C8orf34: variants seen among roughly 807,000 people sequenced by gnomAD.
C8orf34 encodes the protein uncharacterized protein C8orf34.
A neutral mutation model predicts 68.3 loss-of-function variants in C8orf34; 65 were observed. The ratio of observed to expected loss-of-function variants is 0.95; its 90% CI spans 0.78 to 1.17. The LOEUF (loss-of-function observed/expected upper bound fraction) is 1.17. Ranked by LOEUF, C8orf34 falls within the 50% of genes most tolerant of loss-of-function variation. The pLI is 0.00. For missense variants in C8orf34, 664 were observed against 655.4 expected (o/e 1.01, Z -0.14); for synonymous variants, 244 against 241.2 (o/e 1.01, Z -0.11).
chr8:68,759,686 C>A (rs992487702), intron 10 of C8orf34, among the ~76,000 whole-genome samples: 6 of 152,212 alleles, frequency 3.9e-5, no homozygotes, highest in Non-Finnish European at 8.8e-5. Flanking sequence ...ATTTTTCTGA[C>A]TACCTTTCAG....
At chr8:68,625,646 G>T (rs754617016) in intron 7 of C8orf34, 2 of 701,458 alleles carry the variant, frequency 2.9e-6, no homozygotes, top group Non-Finnish European at 5.2e-6. Context: ...GCATCTCAGC[G>T]GTGGGAAAGG....
chr8:68,577,824 C>T (rs544128907), intron 7 of C8orf34, among the ~76,000 whole-genome samples: 1 of 151,140 alleles, frequency 6.6e-6, no homozygotes, highest in Non-Finnish European at 1.5e-5. Flanking sequence ...TTCTAAAAAC[C>T]TTACTTTTGT....
chr8:68,521,860 G>A lies in C8orf34; in HGVS notation c.827G>A (p.Arg276Lys), dbSNP rs1814770512. ...RPRVIGEWIGREENDADPLAA... is the reference protein window; with the variant it reads ...RPRVIGEWIGKEENDADPLAA... ...CGTGTGATTGGAGAATGGATTGGTAGAGAAGAAAATGATGCTGATCCCCTA... is the reference window on the plus strand; with the variant it reads ...CGTGTGATTGGAGAATGGATTGGTAAAGAAGAAAATGATGCTGATCCCCTA... The change falls in exon 6 of 14, where the codon AGA (arginine) becomes AAA (lysine). Residue 276 changes from arginine (R) to lysine (K), a missense_variant. Transcript: ENST00000518698. The A allele has an allele frequency of 6.2e-7, 1 of 1,614,072 alleles. No homozygotes were observed. Among genetic ancestry groups the A allele is most frequent in the Admixed American group, 1.7e-5 (1 of 60,020 alleles).
Position 68,521,836 on chromosome 8 carries a change from G to A in C8orf34, c.803G>A (p.Arg268His), listed in dbSNP as rs772994743. Residue 268 changes from arginine to histidine, a missense_variant, in exon 6 of 14, where the codon CGT becomes CAT. Transcript: ENST00000518698. ...TTTAATTCTTCTCTTCTGAGGCCCC[G>A]TGTGATTGGAGAATGGATTGGTAGA... is the stretch of plus-strand genomic sequence containing the variant. ...VTFNSSLLRP[R>H]VIGEWIGREE... 2.4e-5 allele frequency: 38 copies of A among 1,613,704 alleles called. No individual in the cohort carries two copies. The highest frequency in any genetic ancestry group is 4.0e-5 in the African/African-American group (3 of 74,886).
intron 6 of C8orf34, among the ~76,000 whole-genome samples, chr8:68,527,069 C>A (rs1362668276): frequency 6.6e-6 from 1 of 152,108 alleles, no homozygotes; most frequent in Non-Finnish European, 1.5e-5. Context: ...ATATGAACAC[C>A]AAATTGAAAT....
chr8:68,680,747 T>G (rs1283807568), intron 8 of C8orf34, among the ~76,000 whole-genome samples: 1 of 152,108 alleles, frequency 6.6e-6, no homozygotes, highest in Non-Finnish European at 1.5e-5. Context: ...GTGCACCTAT[T>G]GTCTTGATAA....
chr8:68,477,370 G>C (rs977786921), intron 4 of C8orf34, among the ~76,000 whole-genome samples: 2 of 152,214 alleles, frequency 1.3e-5, no homozygotes, highest in Non-Finnish European at 2.9e-5. Flanking sequence ...CATGCCTGGA[G>C]GCAAGGACAG....
At chr8:68,660,948 G>T (rs932122779) in intron 8 of C8orf34, among the ~76,000 whole-genome samples, 1 of 152,136 alleles carries the variant, frequency 6.6e-6, no homozygotes, top group Non-Finnish European at 1.5e-5. Flanking sequence ...AAGCTGCCTG[G>T]GGGAGAAAAT....
chr8:68,795,306 G>T lies in C8orf34; in HGVS notation c.1549+7770G>T, dbSNP rs541675254. ...AGTTAATCATCTGGACTTCCTCATG[G>T]ACAGTTTTTATTGACTGCTTTTTTT... On this transcript the variant is annotated intron_variant, in intron 12 of 13. Coordinates refer to ENST00000518698, the MANE Select transcript of C8orf34 (RefSeq NM_052958.4). 1.1e-3 allele frequency among the ~76,000 whole-genome samples: 159 copies of T among 148,648 alleles called. 2 individuals are homozygous for T. The highest frequency in any genetic ancestry group is 3.5e-3 in the Middle Eastern group (1 of 282).
chr8:68,734,358 C>G (rs1317771288), intron 10 of C8orf34, among the ~76,000 whole-genome samples: 2 of 152,176 alleles, frequency 1.3e-5, no homozygotes, highest in East Asian at 3.9e-4. Context: ...TAACCTCTGC[C>G]AGGGGTGCAT....
chr8:68,425,421 T>A (rs1464378292), intron 1 of C8orf34, among the ~76,000 whole-genome samples: 1 of 152,162 alleles, frequency 6.6e-6, no homozygotes, highest in Non-Finnish European at 1.5e-5. Context: ...TCAATATAGA[T>A]ACATGATCGA....
chr8:68,434,869 A>G (rs1453818955), intron 1 of C8orf34, among the ~76,000 whole-genome samples: 1 of 152,046 alleles, frequency 6.6e-6, no homozygotes, highest in Admixed American at 6.6e-5. Context: ...ACATGGTGAA[A>G]CCCCATCTCT....
At chr8:68,352,749 T>C (rs765234813) in intron 1 of C8orf34, among the ~76,000 whole-genome samples, 2 of 152,262 alleles carry the variant, frequency 1.3e-5, no homozygotes, top group Admixed American at 1.3e-4. Context: ...AGCAATTTCA[T>C]TGTAGGAATG....
intron 1 of C8orf34, among the ~76,000 whole-genome samples, chr8:68,392,001 C>A (rs1406966399): frequency 6.6e-6 from 1 of 152,118 alleles, no homozygotes; most frequent in Non-Finnish European, 1.5e-5. Flanking sequence ...GTTCATACAA[C>A]TTTTCACTCC....
intron 7 of C8orf34, among the ~76,000 whole-genome samples, chr8:68,549,825 A>G (rs561402001): frequency 6.6e-6 from 1 of 151,758 alleles, no homozygotes. Flanking sequence ...ATTCTTGACT[A>G]ATCAACTCCT....
chr8:68,793,914 A>G (rs1007647942), intron 12 of C8orf34, among the ~76,000 whole-genome samples: 8 of 152,206 alleles, frequency 5.3e-5, no homozygotes, highest in African/African-American at 1.9e-4. Flanking sequence ...TGGTACGTAT[A>G]AAAATGTATT....
chr8:68,670,422 C>A (rs1010857852), intron 8 of C8orf34, among the ~76,000 whole-genome samples: 24 of 152,124 alleles, frequency 1.6e-4, no homozygotes, highest in Non-Finnish European at 2.1e-4. Context: ...AGATAAAAAA[C>A]TAAAAATCTG....
At chr8:68,564,883 G>A (rs1173997014) in intron 7 of C8orf34, among the ~76,000 whole-genome samples, 1 of 152,142 alleles carries the variant, frequency 6.6e-6, no homozygotes, top group Non-Finnish European at 1.5e-5. Context: ...AAAGTGCCAA[G>A]GAACAAATGA....
intron 8 of C8orf34, among the ~76,000 whole-genome samples, chr8:68,658,667 G>T (rs1382873726): frequency 1.3e-5 from 2 of 151,878 alleles, no homozygotes; most frequent in South Asian, 2.1e-4. Context: ...TATTTTCCAT[G>T]TCTCCTAAAT....
Sources: allele counts gnomAD v4.1 joint callset (sites outside exome capture counted in the v4.1 genomes callset), GRCh38; gene constraint gnomAD v4.1.1; transcripts MANE v1.5; gene names NCBI Gene and HGNC (gene_info 2026-07-23, HGNC 2026-07-21).